Variants in NRG1 observed in about 807,000 individuals in gnomAD.
NRG1 encodes pro-neuregulin-1, membrane-bound isoform.
Under a neutral mutation model 63.8 loss-of-function variants are expected in NRG1, and 18 were observed. The ratio of observed to expected loss-of-function variants is 0.28; its 90% confidence interval spans 0.19 to 0.42. The LOEUF is 0.42. NRG1 is among the 10% of genes least tolerant of loss of function. The pLI is 1.00. For synonymous variants in NRG1, 302 were observed against 301.3 expected, an observed-to-expected ratio of 1.00 and a Z score of -0.02; for missense variants, 762 against 814.7, an observed-to-expected ratio of 0.94 and a Z score of 0.79.
intron 1 of NRG1, among the ~76,000 whole-genome samples, chr8:32,385,718 C>G (rs1434449515): frequency 6.6e-6 from 1 of 152,084 alleles, no homozygotes. Context: ...TGATCCATCA[C>G]CTCCCACCAG....
chr8:32,492,196 C>G (rs2129494932), intron 1 of NRG1, among the ~76,000 whole-genome samples: 2 of 152,046 alleles, frequency 1.3e-5, no homozygotes, highest in South Asian at 4.1e-4. Context: ...GGGCCTAGCA[C>G]AATGTTGAGC....
intron 1 of NRG1, among the ~76,000 whole-genome samples, chr8:31,678,835 A>G (rs1006028436): frequency 4.0e-5 from 6 of 149,818 alleles, no homozygotes; most frequent in South Asian, 2.1e-4. Context: ...ATATTGATAT[A>G]AAATTATTTA....
chr8:31,689,227 C>T (rs745488333), intron 1 of NRG1, among the ~76,000 whole-genome samples: 16 of 152,114 alleles, frequency 1.1e-4, no homozygotes, highest in Non-Finnish European at 1.5e-4. Context: ...ATAACACATT[C>T]ATAGGTTCTA....
At chr8:32,121,931 T>A (rs1414340396) in intron 1 of NRG1, among the ~76,000 whole-genome samples, 1 of 152,050 alleles carries the variant, frequency 6.6e-6, no homozygotes, top group Non-Finnish European at 1.5e-5. Context: ...TCAAGGTGCA[T>A]TAAAATCATG....
chr8:31,945,616 GACTGCCATTTGCAGCACAA>G (rs1802425102), intron 1 of NRG1, among the ~76,000 whole-genome samples: 1 of 151,854 alleles, frequency 6.6e-6, no homozygotes, highest in South Asian at 2.1e-4. Context: ...CTTCCACTAG[GACTGCCATTTGCAGCACAA>G]ACTCACCTGG....
chr8:31,981,682 G>T (rs1809127410), intron 1 of NRG1, among the ~76,000 whole-genome samples: 1 of 151,944 alleles, frequency 6.6e-6, no homozygotes. Flanking sequence ...GACTTCACCA[G>T]CAGATTAATA....
chr8:31,975,378 T>C (rs1489067831), intron 1 of NRG1, among the ~76,000 whole-genome samples: 1 of 152,088 alleles, frequency 6.6e-6, no homozygotes, highest in Non-Finnish European at 1.5e-5. Context: ...GGATGGGAAC[T>C]GGGGAAGGGG....
At chr8:32,139,818 T>C (rs1048471884) in intron 1 of NRG1, among the ~76,000 whole-genome samples, 1 of 152,232 alleles carries the variant, frequency 6.6e-6, no homozygotes, top group African/African-American at 2.4e-5. Flanking sequence ...TTATACCATG[T>C]AGACAATGCA....
rs1350061383 is a variant in NRG1, at chr8:31,690,958, C to T, written c.37+51527C>T. 2.0e-5 allele frequency among the ~76,000 whole-genome samples: 3 copies of T among 152,020 alleles called. No individual in the cohort carries two copies. The East Asian group carries it at 5.8e-4, about 29-fold the overall frequency. On this transcript the variant is annotated intron_variant, in intron 1 of 10. Transcript: ENST00000519301. ...TCTGGAATATGTGTAAATATGGGAG[C>T]CATCAGCACATAATAGATGCTGAGT...
At chr8:32,506,884 A>T (rs1354822160) in intron 1 of NRG1, among the ~76,000 whole-genome samples, 1 of 152,158 alleles carries the variant, frequency 6.6e-6, no homozygotes, top group Non-Finnish European at 1.5e-5. Flanking sequence ...TGCCTCTAAA[A>T]AAAATAAGAT....
intron 1 of NRG1, among the ~76,000 whole-genome samples, chr8:32,499,344 C>T (rs375810758): frequency 6.6e-6 from 1 of 152,104 alleles, no homozygotes; most frequent in African/African-American, 2.4e-5. Context: ...GACTCTAAAG[C>T]CAGTTTTTGA....
chr8:32,259,186 G>T (rs1850084041), intron 1 of NRG1, among the ~76,000 whole-genome samples: 2 of 152,196 alleles, frequency 1.3e-5, no homozygotes, highest in African/African-American at 4.8e-5. Context: ...AGTTTCTGCA[G>T]TTACAAAGTG....
intron 1 of NRG1, among the ~76,000 whole-genome samples, chr8:32,158,238 T>A (rs891846120): frequency 2.4e-4 from 37 of 151,746 alleles, no homozygotes; most frequent in African/African-American, 8.7e-4. Context: ...CCTTCACAAC[T>A]AGGGTTGGTC....
intron 1 of NRG1, chr8:32,063,581 A>G (rs1442595127): frequency 6.6e-6 from 1 of 152,128 alleles, no homozygotes; most frequent in Non-Finnish European, 1.5e-5. Context: ...CATCTGTGCT[A>G]TAAGCACACA....
At chr8:31,796,781 T>G (rs1210059526) in intron 1 of NRG1, among the ~76,000 whole-genome samples, 3 of 152,088 alleles carry the variant, frequency 2.0e-5, no homozygotes, top group Non-Finnish European at 4.4e-5. Flanking sequence ...TAGTTCTTTG[T>G]TCTAAGAATT....
chr8:32,676,105 A>C (rs967022286), intron 5 of NRG1, among the ~76,000 whole-genome samples: 4 of 152,192 alleles, frequency 2.6e-5, no homozygotes, highest in African/African-American at 9.7e-5. Flanking sequence ...GAGTGTTGCC[A>C]TGGAGGTCAG....
Position 31,640,026 on chromosome 8 carries a change from C to G in NRG1, c.37+595C>G. The G allele has an allele frequency of 8.8e-7, 1 of 1,137,178 alleles. No individual in the cohort carries two copies. The highest frequency in any genetic ancestry group is 1.1e-6 in the Non-Finnish European group (1 of 929,178). 70.4% of individuals were successfully genotyped at this position (1,137,178 alleles called of 1,614,324 possible). ...CCCCGCGCCGCTCCGGGCGTCCCGG[C>G]CCCCGGGCCCAGCGCCCCGGCTCCG... On this transcript the variant is annotated intron_variant, in intron 1 of 10. Transcript: ENST00000519301. The surrounding 1 kb of genome is among the most constrained non-coding windows in gnomAD (Gnocchi z 6.3).
At chr8:32,664,499 G>T (rs1368735804) in intron 5 of NRG1, among the ~76,000 whole-genome samples, 3 of 152,046 alleles carry the variant, frequency 2.0e-5, no homozygotes, top group African/African-American at 7.2e-5. Flanking sequence ...CAGTATGAAG[G>T]AATTTGCTGA....
At chr8:32,261,086 A>C (rs1340258995) in intron 1 of NRG1, among the ~76,000 whole-genome samples, 3 of 152,214 alleles carry the variant, frequency 2.0e-5, no homozygotes, top group Admixed American at 1.3e-4. Flanking sequence ...ATGGGAAAAG[A>C]AAGTTGCAAA....
Sources: allele counts gnomAD v4.1 joint callset (sites outside exome capture counted in the v4.1 genomes callset), GRCh38; gene constraint gnomAD v4.1.1; non-coding constraint Gnocchi (gnomAD v3.1); transcripts MANE v1.5; gene names NCBI Gene and HGNC (gene_info 2026-07-23, HGNC 2026-07-21).